WDR27: variants seen among roughly 807,000 people sequenced by gnomAD.
WDR27 encodes WD repeat-containing protein 27.
A neutral mutation model predicts 114.4 loss-of-function variants in WDR27; 100 were observed. The observed-to-expected ratio is 0.87, with a 90% CI of 0.74 to 1.03. The LOEUF is 1.03. Ranked by LOEUF, WDR27 falls within the 50% of genes least tolerant of loss-of-function variation. WDR27 has a pLI of 0.00. For synonymous variants in WDR27, 449 were observed against 423.1 expected (o/e 1.06, Z -0.75); for missense variants, 1,129 against 1,092.9 (o/e 1.03, Z -0.47).
At chr6:169,535,033 C>T (rs1178447020) in intron 25 of WDR27, among the ~76,000 whole-genome samples, 1 of 151,852 alleles carries the variant, frequency 6.6e-6, no homozygotes, top group Non-Finnish European at 1.5e-5. Flanking sequence ...ACTTCTAATA[C>T]TACAAGGCTA....
intron 1 of WDR27, among the ~76,000 whole-genome samples, chr6:169,693,601 A>C (rs1785057893): frequency 6.6e-6 from 1 of 152,228 alleles, no homozygotes; most frequent in Admixed American, 6.5e-5. Flanking sequence ...CATGTAACAC[A>C]TAAGAACTCA....
chr6:169,481,163 A>C (rs1378795395), intron 25 of WDR27, among the ~76,000 whole-genome samples: 1 of 152,056 alleles, frequency 6.6e-6, no homozygotes, highest in African/African-American at 2.4e-5. Context: ...CGCACCAATC[A>C]GTGCTCTGTG....
intron 24 of WDR27, among the ~76,000 whole-genome samples, chr6:169,577,443 A>G (rs923584288): frequency 1.3e-5 from 2 of 150,316 alleles, no homozygotes; most frequent in Non-Finnish European, 3.0e-5. Flanking sequence ...GGGGGCCTGG[A>G]GACGGGGAGA....
chr6:169,445,873 G>T, the WDR27 span, among the ~76,000 whole-genome samples: 151 of 152,350 alleles, frequency 9.9e-4, no homozygotes, highest in Middle Eastern at 3.4e-3. Flanking sequence ...CCCGAGCCCT[G>T]ACTGAGTCTT....
At chr6:169,697,825 G>A (rs965352394) in intron 1 of WDR27, among the ~76,000 whole-genome samples, 1 of 152,122 alleles carries the variant, frequency 6.6e-6, no homozygotes, top group Non-Finnish European at 1.5e-5. Context: ...TATCAGTGCA[G>A]CCTGGCATTT....
intron 23 of WDR27, among the ~76,000 whole-genome samples, chr6:169,594,181 GAC>G (rs1806326898): frequency 6.6e-6 from 1 of 152,130 alleles, no homozygotes; most frequent in Non-Finnish European, 1.5e-5. Flanking sequence ...TATTTTGTTT[GAC>G]ACCTTTAAAC....
At chr6:169,581,295 T>TC (rs1803376569) in intron 24 of WDR27, among the ~76,000 whole-genome samples, 1 of 152,006 alleles carries the variant, frequency 6.6e-6, no homozygotes, top group South Asian at 2.1e-4. Flanking sequence ...AACATCTGAC[T>TC]CCCCCCATAA....
At position 169,665,471 on chromosome 6, in the gene WDR27, CTG is replaced by C. The variant is rs751637528; in HGVS notation, c.783+13_783+14del. 1.2e-6 allele frequency: 2 copies of C among 1,610,758 alleles called. No homozygotes were observed. Among genetic ancestry groups the C allele is most frequent in the Non-Finnish European group, 1.7e-6 (2 of 1,178,618 alleles). ...CATGTCTGGGAACTGGAACTTAACT[CTG>C]TGGCTGTCTCACCTGGCCGTCAGCA... On this transcript the variant is annotated intron_variant, in intron 7 of 25. Coordinates refer to ENST00000448612, the MANE Select transcript of WDR27 (RefSeq NM_182552.5).
chr6:169,579,672 G>A (rs561593740), intron 24 of WDR27, among the ~76,000 whole-genome samples: 1 of 152,248 alleles, frequency 6.6e-6, no homozygotes, highest in Admixed American at 6.5e-5. Context: ...ATGTGGTTCC[G>A]GAACTCCCAC....
At chr6:169,500,796 GA>G (rs1791089018) in intron 25 of WDR27, among the ~76,000 whole-genome samples, 2 of 152,204 alleles carry the variant, frequency 1.3e-5, no homozygotes, top group African/African-American at 4.8e-5. Flanking sequence ...GAGGGGCTCG[GA>G]AATCTGCTGA....
rs372134150 is a variant in WDR27, at chr6:169,575,011, T to G, written c.2524-2471A>C. Among the ~76,000 whole-genome samples, 12 of 152,288 alleles carry G rather than the reference T, an allele frequency of 7.9e-5. No homozygotes were observed. In the East Asian group the frequency reaches 2.1e-3, roughly 27 times the overall value. Reference sequence around the variant, plus strand: ...TATCTGCCTCTTTGAGCTGGGACACTAGTGTTCTCCTGCCCTTGGGCTGGG... The same window carrying G: ...TATCTGCCTCTTTGAGCTGGGACACGAGTGTTCTCCTGCCCTTGGGCTGGG... On this transcript the variant is annotated intron_variant, in intron 24 of 25. Transcript: ENST00000448612.
intron 14 of WDR27, 137 bp downstream of exon 14, chr6:169,651,793 T>C (rs1822640844): frequency 1.4e-6 from 1 of 740,408 alleles, no homozygotes; most frequent in Non-Finnish European, 2.1e-6. Context: ...CCACCACATT[T>C]TAACTTCTGT....
At chr6:169,595,138 C>T (rs1415820535) in intron 23 of WDR27, among the ~76,000 whole-genome samples, 1 of 152,210 alleles carries the variant, frequency 6.6e-6, no homozygotes, top group Non-Finnish European at 1.5e-5. Context: ...TGCACTTCAG[C>T]CTGGGCTAAC....
At chr6:169,447,458 T>C in the WDR27 span, among the ~76,000 whole-genome samples, 1 of 152,218 alleles carries the variant, frequency 6.6e-6, no homozygotes. Context: ...CTCTTGAAGC[T>C]AAAACTGGAC....
At position 169,602,283 on chromosome 6, in the gene WDR27, T is replaced by C. The variant is rs199576910; in HGVS notation, c.2360A>G (p.Tyr787Cys). The change falls in exon 23 of 26, where the codon TAT becomes TGT. Residue 787 changes from tyrosine to cysteine, a missense_variant. Tyr to Cys is a radical substitution (Grantham distance 194, BLOSUM62 -2). Coordinates refer to ENST00000448612, the MANE Select transcript of WDR27 (RefSeq NM_182552.5). ...AGGACTGAAAGCGATTCCACATGGATAGCCGCGGGTTGGATGCCCTTCAAA... is the reference window on the plus strand; with the variant it reads ...AGGACTGAAAGCGATTCCACATGGACAGCCGCGGGTTGGATGCCCTTCAAA... ...RHFEGHPTRG[Y>C]PCGIAFSPCG... The C allele has an allele frequency of 7.2e-5, 113 of 1,565,794 alleles. No homozygotes were observed. In the Admixed American group the frequency reaches 2.1e-3, roughly 29 times the overall value.
chr6:169,452,490 G>C (rs936157687), downstream of WDR27, among the ~76,000 whole-genome samples: 1 of 151,274 alleles, frequency 6.6e-6, no homozygotes, highest in African/African-American at 2.4e-5. Flanking sequence ...CGCAGCCCCG[G>C]ACGTGGGGTC....
intron 25 of WDR27, among the ~76,000 whole-genome samples, chr6:169,547,858 CA>C (rs931440373): frequency 6.7e-6 from 1 of 150,034 alleles, no homozygotes; most frequent in Non-Finnish European, 1.5e-5. Flanking sequence ...AAAGAAGAAA[CA>C]AAACTGACTT....
the WDR27 span, among the ~76,000 whole-genome samples, chr6:169,444,759 G>A: frequency 2.0e-5 from 3 of 151,808 alleles, no homozygotes; most frequent in African/African-American, 7.3e-5. Context: ...CAAAATCCAA[G>A]TAAATCCAAG....
intron 23 of WDR27, among the ~76,000 whole-genome samples, chr6:169,595,597 T>C (rs1806625555): frequency 6.6e-6 from 1 of 152,176 alleles, no homozygotes; most frequent in Non-Finnish European, 1.5e-5. Flanking sequence ...TCAAGAGAGG[T>C]ATTCTACTTT....
Sources: gnomAD v4.1 joint callset for allele counts (sites outside exome capture counted in the v4.1 genomes callset) on GRCh38, gnomAD v4.1.1 for gene constraint, MANE v1.5 for transcripts, NCBI Gene and HGNC (gene_info 2026-07-23, HGNC 2026-07-21) for gene names.